Variants in ZNF827 observed in about 807,000 individuals in gnomAD.
The protein encoded by ZNF827 is zinc finger protein 827.
In ZNF827, 13 loss-of-function variants were observed where a neutral mutation model predicts 102.4. The observed-to-expected ratio is 0.13, with a 90% CI of 0.08 to 0.20. ZNF827 has a LOEUF of 0.20. Among genes scored for constraint, ZNF827 ranks in the 10% least tolerant of loss-of-function variants. ZNF827 has a pLI of 1.00. For synonymous variants in ZNF827, 523 were observed against 536.2 expected (o/e 0.98, Z 0.34); for missense variants, 1,103 against 1,344.4 (o/e 0.82, Z 2.81).
rs1182649504 is a variant in ZNF827 at position 145,779,458 on chromosome 4, T to C, written c.2437A>G (p.Asn813Asp). 1.2e-6 allele frequency: 2 copies of C among 1,614,260 alleles called. No individual in the cohort carries two copies. The highest frequency in any genetic ancestry group is 1.7e-6 in the Non-Finnish European group (2 of 1,180,048). ...AGNGLPSWKFNDQLFPCDVCG... is the reference protein window; with the variant it reads ...AGNGLPSWKFDDQLFPCDVCG... ...ACGTCACAGGGAAAAAGCTGGTCATTGAATTTCCAGGATGGTAATCCATTT... is the reference window on the plus strand; with the variant it reads ...ACGTCACAGGGAAAAAGCTGGTCATCGAATTTCCAGGATGGTAATCCATTT... The change falls in exon 9 of 15, where the codon AAT becomes GAT. Residue 813 changes from asparagine to aspartate, a missense_variant. Physicochemically the swap from Asn to Asp is conservative, Grantham distance 23. Transcript: ENST00000508784.
At chr4:145,826,785 T>C (rs2126516031) in intron 7 of ZNF827, among the ~76,000 whole-genome samples, 1 of 152,134 alleles carries the variant, frequency 6.6e-6, no homozygotes, top group Non-Finnish European at 1.5e-5. Context: ...TTGCTCTTGT[T>C]GCCCAGGCTG....
At chr4:145,778,652 C>T (rs1737487857) in intron 9 of ZNF827, among the ~76,000 whole-genome samples, 1 of 152,154 alleles carries the variant, frequency 6.6e-6, no homozygotes, top group Non-Finnish European at 1.5e-5. Context: ...CTTATTAATA[C>T]TTCCTGTCTT....
rs146550783 is a variant in ZNF827 at position 145,818,810 on chromosome 4, G to A, written c.2383+4612C>T. ...GGGTGTGTCAGGCTGAGAGCTAGTT[G>A]CAGGTGGCATTCTAATACAAGGCAT... On this transcript the variant is annotated intron_variant, in intron 8 of 14. Coordinates refer to ENST00000508784, the MANE Select transcript of ZNF827 (RefSeq NM_001306215.2). Among the ~76,000 whole-genome samples the A allele has an allele frequency of 2.6e-5, 4 of 152,244 alleles. No individual in the cohort carries two copies. In the East Asian group the frequency reaches 7.7e-4, roughly 29 times the overall value.
intron 5 of ZNF827, among the ~76,000 whole-genome samples, chr4:145,860,673 G>C (rs1747625239): frequency 6.6e-6 from 1 of 152,160 alleles, no homozygotes; most frequent in Non-Finnish European, 1.5e-5. Context: ...AAAAAAGGAA[G>C]TAAATCAACT....
At position 145,853,811 on chromosome 4, in the gene ZNF827, C is replaced by T. The variant is rs1221780900; in HGVS notation, c.1982-4250G>A. 2.6e-5 allele frequency among the ~76,000 whole-genome samples: 4 copies of T among 151,804 alleles called. No individual in the cohort carries two copies. The East Asian group carries it at 7.8e-4, about 29-fold the overall frequency. ...CAAAACCCTATATCATAAAAAAGTA[C>T]AAAATTAGCTGAGTGTGGTGGCACA... On this transcript the variant is annotated intron_variant, in intron 5 of 14. Transcript: ENST00000508784.
intron 7 of ZNF827, chr4:145,832,697 T>A (rs1379554406): frequency 6.6e-6 from 1 of 152,330 alleles, no homozygotes; most frequent in Non-Finnish European, 1.5e-5. Context: ...AACTGAAGAA[T>A]CACAAAAGAA....
chr4:145,929,691 A>G (rs1401937716), intron 1 of ZNF827, among the ~76,000 whole-genome samples: 1 of 152,216 alleles, frequency 6.6e-6, no homozygotes, highest in East Asian at 1.9e-4. Context: ...GTTCCAGGTC[A>G]GAAATACCTG....
chr4:145,890,071 ATATTTCCAGGT>A (rs1750476343), intron 3 of ZNF827, among the ~76,000 whole-genome samples: 3 of 152,194 alleles, frequency 2.0e-5, no homozygotes, highest in Non-Finnish European at 4.4e-5. Flanking sequence ...TACAACCATT[ATATTTCCAGGT>A]AGACTAGATT....
chr4:145,777,231 T>G (rs925642352), intron 9 of ZNF827, among the ~76,000 whole-genome samples: 3 of 152,230 alleles, frequency 2.0e-5, no homozygotes, highest in Non-Finnish European at 4.4e-5. Context: ...AATGTGTCCT[T>G]TCTTTAGAAG....
chr4:145,856,676 CACACAT>C (rs1241397666), intron 5 of ZNF827, among the ~76,000 whole-genome samples: 10 of 125,394 alleles, frequency 8.0e-5, no homozygotes, highest in South Asian at 7.9e-4. Context: ...ACCTCCAGTA[CACACAT>C]ACACACACAC....
intron 13 of ZNF827, 184 bp downstream of exon 13, chr4:145,764,804 C>A: frequency 1.4e-6 from 1 of 730,360 alleles, no homozygotes. Flanking sequence ...CATCTGTTGA[C>A]ACCCTAGGGG....
At chr4:145,855,211 T>A (rs1241829948) in intron 5 of ZNF827, among the ~76,000 whole-genome samples, 3 of 152,244 alleles carry the variant, frequency 2.0e-5, no homozygotes, top group African/African-American at 7.2e-5. Context: ...TATCATGATT[T>A]GGAACTAGTA....
chr4:145,869,925 A>G (rs1748534112), intron 5 of ZNF827, among the ~76,000 whole-genome samples: 1 of 152,264 alleles, frequency 6.6e-6, no homozygotes, highest in Admixed American at 6.5e-5. Context: ...TTGATCAATT[A>G]GCAGAAGACC....
rs151125904 is a variant in ZNF827, at chr4:145,876,156, C to G, written c.1748-5678G>C. Among the ~76,000 whole-genome samples, 491 of 152,262 alleles carry G rather than the reference C, an allele frequency of 3.2e-3. 2 individuals are homozygous for G. The highest frequency in any genetic ancestry group is 0.011 in the African/African-American group (461 of 41,546). ...GAATTCAGGCCTATGCATGTGTGTTCATATATAATTATAGTCCTACTAGAG... is the reference window on the plus strand; with the variant it reads ...GAATTCAGGCCTATGCATGTGTGTTGATATATAATTATAGTCCTACTAGAG... On this transcript the variant is annotated intron_variant, in intron 4 of 14. Coordinates refer to ENST00000508784, the MANE Select transcript of ZNF827 (RefSeq NM_001306215.2).
chr4:145,925,533 C>CTGTGG (rs1205573992), intron 1 of ZNF827, among the ~76,000 whole-genome samples: 22 of 152,150 alleles, frequency 1.4e-4, no homozygotes, highest in Non-Finnish European at 2.5e-4. Context: ...GAGGTTGCAT[C>CTGTGG]CTACAGAACT....
intron 8 of ZNF827, among the ~76,000 whole-genome samples, chr4:145,803,922 A>G (rs1579236734): frequency 7.8e-6 from 1 of 128,170 alleles, no homozygotes; most frequent in Non-Finnish European, 1.9e-5. Context: ...CCCTAACTTC[A>G]TATTTTTTTT....
At chr4:145,920,164 C>G (rs905495226) in intron 1 of ZNF827, among the ~76,000 whole-genome samples, 1 of 152,140 alleles carries the variant, frequency 6.6e-6, no homozygotes, top group African/African-American at 2.4e-5. Flanking sequence ...AATGAGAAAA[C>G]ATTATGTTTT....
At chr4:145,918,724 C>A (rs545384941) in intron 1 of ZNF827, among the ~76,000 whole-genome samples, 1 of 152,272 alleles carries the variant, frequency 6.6e-6, no homozygotes, top group African/African-American at 2.4e-5. Context: ...CCAGCTCTCA[C>A]CCCAGCACAC....
intron 8 of ZNF827, among the ~76,000 whole-genome samples, chr4:145,800,268 A>G (rs76501483): frequency 0.028 from 4,223 of 152,312 alleles, 134 homozygotes; most frequent in East Asian, 0.1. Flanking sequence ...CTATTAAGTA[A>G]CCAAACTGTA....
Sources: gnomAD v4.1 joint callset for allele counts (sites outside exome capture counted in the v4.1 genomes callset) on GRCh38, gnomAD v4.1.1 for gene constraint, MANE v1.5 for transcripts, NCBI Gene and HGNC (gene_info 2026-07-23, HGNC 2026-07-21) for gene names.